SPECC1: variants seen among roughly 807,000 people sequenced by gnomAD.
The protein encoded by SPECC1 is cytospin-B.
Under a neutral mutation model 104.1 loss-of-function variants are expected in SPECC1, and 62 were observed. The ratio of observed to expected loss-of-function variants is 0.60; its 90% confidence interval spans 0.49 to 0.74. SPECC1 has a LOEUF of 0.74. Among genes scored for constraint, SPECC1 ranks in the 30% least tolerant of loss-of-function variants. The pLI, the probability that SPECC1 is intolerant of heterozygous loss-of-function variation, is 0.00. For synonymous variants in SPECC1, 513 were observed against 501.6 expected, an observed-to-expected ratio of 1.02 and a Z score of -0.30; for missense variants, 1,306 against 1,310.5, an observed-to-expected ratio of 1.00 and a Z score of 0.05.
chr17:20,140,069 T>G (rs1417509534), intron 3 of SPECC1, among the ~76,000 whole-genome samples: 2 of 152,222 alleles, frequency 1.3e-5, no homozygotes, highest in Non-Finnish European at 2.9e-5. Context: ...TTGCTGCTGG[T>G]GGTTAATGCT....
intron 7 of SPECC1, among the ~76,000 whole-genome samples, chr17:20,242,440 A>C (rs933345788): frequency 6.6e-6 from 1 of 152,210 alleles, no homozygotes; most frequent in Non-Finnish European, 1.5e-5. Context: ...CTGCTTATGG[A>C]GTGTGCATCA....
chr17:20,199,042 T>C (rs2036223893), intron 3 of SPECC1, among the ~76,000 whole-genome samples: 1 of 151,200 alleles, frequency 6.6e-6, no homozygotes, highest in Admixed American at 6.6e-5. Flanking sequence ...CCTTCTAGGC[T>C]ACATATGTGG....
intron 12 of SPECC1, among the ~76,000 whole-genome samples, chr17:20,289,817 T>A (rs2041098636): frequency 6.6e-6 from 1 of 152,116 alleles, no homozygotes; most frequent in South Asian, 2.1e-4. Context: ...GGAACGTCTT[T>A]ATTTAGGAGT....
At chr17:20,110,777 C>A (rs529394920) in intron 3 of SPECC1, among the ~76,000 whole-genome samples, 6 of 152,040 alleles carry the variant, frequency 3.9e-5, no homozygotes, top group Non-Finnish European at 7.4e-5. Flanking sequence ...GGTAACTGGG[C>A]GTGCTGTGGT....
rs138719249 is a variant in SPECC1 at position 20,060,757 on chromosome 17, TTA to T, written c.-21-35871_-21-35870del. Among the ~76,000 whole-genome samples, 24 of 152,346 alleles carry T rather than the reference TTA, an allele frequency of 1.6e-4. No homozygotes were observed. The East Asian group carries it at 4.0e-3, about 26-fold the overall frequency. ...ATTTATGCCACTCACCATGTGACTT[TTA>T]TACTTCATCAAATCATTTTGCTCTG... On this transcript the variant is annotated intron_variant, in intron 1 of 14. Coordinates refer to ENST00000395527, the MANE Select transcript of SPECC1 (RefSeq NM_001243439.2).
At chr17:20,068,766 G>C (rs908070470) in intron 1 of SPECC1, among the ~76,000 whole-genome samples, 1 of 152,060 alleles carries the variant, frequency 6.6e-6, no homozygotes, top group Non-Finnish European at 1.5e-5. Flanking sequence ...TTCTTTTCAC[G>C]TGCTTGTTGG....
intron 2 of SPECC1, among the ~76,000 whole-genome samples, chr17:20,098,236 T>C (rs1597693191): frequency 6.6e-6 from 1 of 152,122 alleles, no homozygotes; most frequent in Non-Finnish European, 1.5e-5. Flanking sequence ...AAATAGCAAC[T>C]CCATCTTCTT....
In SPECC1 at chr17:20,287,020, G is replaced by A. The variant is rs970828556; in HGVS notation, c.2941-9941G>A. 1.8e-4 allele frequency among the ~76,000 whole-genome samples: 28 copies of A among 152,342 alleles called. 1 individual carries two copies. Among genetic ancestry groups the A allele is most frequent in the South Asian group, 6.2e-4 (3 of 4,832 alleles). ...TGCACTCCTTAGGCCATCGGCTGCCGTCAGCAGCCTCCCCTGCCTCCCCTG... is the reference window on the plus strand; with the variant it reads ...TGCACTCCTTAGGCCATCGGCTGCCATCAGCAGCCTCCCCTGCCTCCCCTG... On this transcript the variant is annotated intron_variant, in intron 12 of 14. Transcript: ENST00000395527.
intron 1 of SPECC1, among the ~76,000 whole-genome samples, chr17:20,073,181 T>C (rs1210137522): frequency 6.6e-6 from 1 of 152,206 alleles, no homozygotes; most frequent in Non-Finnish European, 1.5e-5. Context: ...TGTGATATGC[T>C]TCCTGGTTGT....
chr17:20,250,483 A>G (rs75481864), intron 9 of SPECC1, among the ~76,000 whole-genome samples: 1 of 152,264 alleles, frequency 6.6e-6, no homozygotes, highest in Non-Finnish European at 1.5e-5. Flanking sequence ...ATATATTACT[A>G]CTTTGTGCTA....
At chr17:20,264,353 TA>T (rs1382752660) in intron 12 of SPECC1, among the ~76,000 whole-genome samples, 1 of 151,928 alleles carries the variant, frequency 6.6e-6, no homozygotes, top group Non-Finnish European at 1.5e-5. Context: ...GTAAGCATAG[TA>T]CTCTGTAGGT....
intron 11 of SPECC1, among the ~76,000 whole-genome samples, chr17:20,258,200 C>T (rs2039901580): frequency 6.6e-6 from 1 of 152,040 alleles, no homozygotes; most frequent in South Asian, 2.1e-4. Context: ...TGAGATTGGA[C>T]CTGCATTTTA....
chr17:20,158,753 GT>G (rs976409589), intron 3 of SPECC1, among the ~76,000 whole-genome samples: 1 of 151,856 alleles, frequency 6.6e-6, no homozygotes, highest in African/African-American at 2.4e-5. Flanking sequence ...GGCAAGTTCG[GT>G]TTTTTTTGTT....
chr17:20,069,841 ATAGT>A (rs1201565917), intron 1 of SPECC1, among the ~76,000 whole-genome samples: 4 of 152,038 alleles, frequency 2.6e-5, no homozygotes, highest in Admixed American at 6.6e-5. Flanking sequence ...TAAATATTTT[ATAGT>A]TAAACATAAA....
intron 3 of SPECC1, among the ~76,000 whole-genome samples, chr17:20,136,252 C>T (rs374242161): frequency 6.6e-5 from 10 of 152,058 alleles, no homozygotes; most frequent in African/African-American, 2.4e-4. Flanking sequence ...AGTGAAACCC[C>T]GTCTCTACTG....
intron 3 of SPECC1, among the ~76,000 whole-genome samples, chr17:20,203,594 C>T (rs2036575033): frequency 6.6e-6 from 1 of 152,198 alleles, no homozygotes; most frequent in African/African-American, 2.4e-5. Flanking sequence ...GTCATTGTAT[C>T]AGATCCATCT....
At chr17:20,117,231 C>T (rs1298321268) in intron 3 of SPECC1, among the ~76,000 whole-genome samples, 4 of 151,808 alleles carry the variant, frequency 2.6e-5, no homozygotes, top group African/African-American at 9.7e-5. Context: ...TTCCTCCCAT[C>T]AAAATAAATT....
chr17:20,236,885 A>C, intron 7 of SPECC1: 1 of 1,613,710 alleles, frequency 6.2e-7, no homozygotes, highest in Non-Finnish European at 8.5e-7. Context: ...CAGCTAGCAG[A>C]GCATTTGGTG....
intron 12 of SPECC1, among the ~76,000 whole-genome samples, chr17:20,287,458 A>G (rs940524942): frequency 6.8e-6 from 1 of 147,664 alleles, no homozygotes; most frequent in African/African-American, 2.5e-5. Context: ...AAAAAAAATG[A>G]CATGGCTTTG....
Sources: gnomAD v4.1 joint callset for allele counts (sites outside exome capture counted in the v4.1 genomes callset) on GRCh38, gnomAD v4.1.1 for gene constraint, MANE v1.5 for transcripts, NCBI Gene and HGNC (gene_info 2026-07-23, HGNC 2026-07-21) for gene names.